The following ARHGAP39 variants were observed in gnomAD, a reference collection of about 807,000 sequenced individuals.
ARHGAP39 encodes Rho GTPase activating protein 39, also known as rho GTPase-activating protein 39.
ARHGAP39 carries 44 observed loss-of-function variants against 106.9 expected under a neutral mutation model. The ratio of observed to expected loss-of-function variants is 0.41; its 90% confidence interval spans 0.32 to 0.53. ARHGAP39 has a LOEUF of 0.53. ARHGAP39 is among the 20% of genes least tolerant of loss of function. ARHGAP39 has a pLI of 0.21. For missense variants in ARHGAP39, 1,496 were observed against 1,577.3 expected, an observed-to-expected ratio of 0.95 and a Z score of 0.87; for synonymous variants, 768 against 693.2, an observed-to-expected ratio of 1.11 and a Z score of -1.69.
At chr8:144,693,942 T>G in the ARHGAP39 span, among the ~76,000 whole-genome samples, 233 of 152,132 alleles carry the variant, frequency 1.5e-3, 1 homozygote, top group African/African-American at 5.5e-3. Context: ...ACGGGGAGGC[T>G]GCAGAGAGGA....
chr8:144,574,703 A>T (rs1330183177), intron 3 of ARHGAP39, among the ~76,000 whole-genome samples: 2 of 152,210 alleles, frequency 1.3e-5, no homozygotes, highest in Non-Finnish European at 2.9e-5. Flanking sequence ...AATAAAAAAT[A>T]AAAAAATTAG....
upstream of ARHGAP39, among the ~76,000 whole-genome samples, chr8:144,687,933 C>CA (rs111592865): frequency 2.1e-5 from 3 of 141,776 alleles, no homozygotes; most frequent in Non-Finnish European, 3.2e-5. Flanking sequence ...GAGCACTTCC[C>CA]ACCCCGTGAC....
Position 144,641,580 on chromosome 8 carries a change from A to C in ARHGAP39, c.-81-35885T>G, listed in dbSNP as rs953438642. Among the ~76,000 whole-genome samples the C allele has an allele frequency of 6.6e-6, 1 of 151,960 alleles. No individual in the cohort carries two copies. Among genetic ancestry groups the C allele is most frequent in the Non-Finnish European group, 1.5e-5 (1 of 67,988 alleles). ...CGTTCTGCCCATCACTCACCCCAGG[A>C]CTCCATCCTCCCACACCCCTCAACT... is the stretch of plus-strand genomic sequence containing the variant. On this transcript the variant is annotated intron_variant, in intron 1 of 11. Transcript: ENST00000377307. This position sits in a 1 kb window ranked among gnomAD's most constrained non-coding sequence, Gnocchi z 5.2.
chr8:144,633,457 C>CA (rs951930951), intron 1 of ARHGAP39, among the ~76,000 whole-genome samples: 10 of 150,208 alleles, frequency 6.7e-5, no homozygotes, highest in African/African-American at 1.2e-4. Context: ...GACTCCGTCT[C>CA]AAAAAAAAGA....
At chr8:144,595,050 C>G (rs1468143369) in intron 2 of ARHGAP39, among the ~76,000 whole-genome samples, 2 of 152,162 alleles carry the variant, frequency 1.3e-5, no homozygotes, top group African/African-American at 2.4e-5. Context: ...AATAATAAAA[C>G]CCCACAGAGT....
At chr8:144,689,256 T>C (rs1459822792), upstream of ARHGAP39, among the ~76,000 whole-genome samples, 2 of 152,006 alleles carry the variant, frequency 1.3e-5, no homozygotes, top group African/African-American at 4.8e-5. Context: ...AATATTTAAC[T>C]AGAAGTAAGT....
intron 4 of ARHGAP39, among the ~76,000 whole-genome samples, chr8:144,554,983 G>C (rs891133991): frequency 2.0e-5 from 3 of 152,206 alleles, no homozygotes; most frequent in Non-Finnish European, 2.9e-5. Context: ...CCCTGGCCCT[G>C]CATCTCCCAC....
intron 2 of ARHGAP39, among the ~76,000 whole-genome samples, chr8:144,588,122 T>C (rs1333812882): frequency 1.2e-4 from 19 of 152,134 alleles, no homozygotes; most frequent in Admixed American, 1.2e-3. Context: ...GGGACACGGG[T>C]TGGCCATGTG....
chr8:144,638,078 ACT>A (rs753325913), intron 1 of ARHGAP39, among the ~76,000 whole-genome samples: 4 of 151,872 alleles, frequency 2.6e-5, no homozygotes, highest in Non-Finnish European at 4.4e-5. Context: ...TTGGTAGTAA[ACT>A]CTGTTTTATC....
In ARHGAP39 at chr8:144,532,076, G is replaced by C. The variant is rs113710289; in HGVS notation, c.2980+229C>G. On this transcript the variant is annotated intron_variant, in intron 10 of 11. Transcript: ENST00000377307. The stretch of plus-strand genomic sequence containing the variant: ...GGCACGGCAGAAGGGCACAGGGCAG[G>C]GAGCAGCAGGTGGGGAGTGGGCTGC... Among the ~76,000 whole-genome samples, 490 of 137,502 alleles carry C rather than the reference G, an allele frequency of 3.6e-3. 40 individuals carry two copies. The highest frequency in any genetic ancestry group is 0.016 in the African/African-American group (459 of 29,048). 90.2% of individuals were successfully genotyped at this position (137,502 alleles called of 152,430 possible). A position where few individuals can be genotyped will look rare whatever the true frequency, so the allele number is the denominator to read the frequency against.
Position 144,602,562 on chromosome 8 carries a change from G to A in ARHGAP39, c.80+2973C>T, listed in dbSNP as rs563633058. ...TGTGTGTGCATGGAGGCGTGCGTGC[G>A]AGCTCGTGTACCTGTGTGCATGTGT... On this transcript the variant is annotated intron_variant, in intron 2 of 11. Transcript: ENST00000377307. Among the ~76,000 whole-genome samples the A allele has an allele frequency of 1.5e-4, 22 of 143,628 alleles. No homozygotes were observed. In the South Asian group the frequency reaches 4.1e-3, roughly 27 times the overall value. The allele number at this position is 143,628 out of a possible 152,430, so 94.2% of individuals were successfully genotyped here. A position where few individuals can be genotyped will look rare whatever the true frequency, so the allele number is the denominator to read the frequency against.
chr8:144,596,158 G>A (rs1819613553), intron 2 of ARHGAP39, among the ~76,000 whole-genome samples: 1 of 152,158 alleles, frequency 6.6e-6, no homozygotes, highest in African/African-American at 2.4e-5. Context: ...GGGGACGGCT[G>A]AGGCCTGGCC....
At chr8:144,597,949 AG>A (rs1244165141) in intron 2 of ARHGAP39, among the ~76,000 whole-genome samples, 1 of 152,214 alleles carries the variant, frequency 6.6e-6, no homozygotes, top group African/African-American at 2.4e-5. Flanking sequence ...ATTAAATGGA[AG>A]AAAAGGCCGG....
Position 144,684,941 on chromosome 8 carries a change from G to C in ARHGAP39, c.-82+745C>G, listed in dbSNP as rs1170436639. On this transcript the variant is annotated intron_variant, in intron 1 of 11. Transcript: ENST00000377307. This position sits in a 1 kb window ranked among gnomAD's most constrained non-coding sequence, Gnocchi z 4.4. Reference sequence around the variant, plus strand: ...CGAGGCTGCACCGCAGCGCACCGCAGCCCTGCACCCGGGCCGCCCTTCAGG... The same window carrying C: ...CGAGGCTGCACCGCAGCGCACCGCACCCCTGCACCCGGGCCGCCCTTCAGG... 6.6e-6 allele frequency among the ~76,000 whole-genome samples: 1 copy of C among 152,204 alleles called. No individual in the cohort carries two copies. Among genetic ancestry groups the C allele is most frequent in the Non-Finnish European group, 1.5e-5 (1 of 68,022 alleles).
intron 1 of ARHGAP39, among the ~76,000 whole-genome samples, chr8:144,658,276 A>AT (rs748953919): frequency 0.029 from 4,029 of 139,720 alleles, 228 homozygotes; most frequent in East Asian, 0.25. Context: ...CACCCGGCTA[A>AT]TTTTTTTTTT....
intron 9 of ARHGAP39, 38 bp from the exon 10 acceptor site, chr8:144,532,434 T>C (rs1316523181): frequency 6.4e-7 from 1 of 1,573,400 alleles, no homozygotes; most frequent in Non-Finnish European, 8.7e-7. Flanking sequence ...AACAGGAGCC[T>C]GTGCTGCGGC....
intron 1 of ARHGAP39, among the ~76,000 whole-genome samples, chr8:144,681,817 G>T (rs1363907128): frequency 6.6e-6 from 1 of 152,136 alleles, no homozygotes; most frequent in Non-Finnish European, 1.5e-5. Flanking sequence ...AAGGTGGAAG[G>T]GTTTTCCCTA....
intron 1 of ARHGAP39, among the ~76,000 whole-genome samples, chr8:144,640,761 G>A (rs940433506): frequency 5.9e-5 from 9 of 152,126 alleles, no homozygotes; most frequent in African/African-American, 1.9e-4. Context: ...TGTTGAAAAC[G>A]AAGCCGAGTT....
At chr8:144,665,843 G>A (rs1821949305) in intron 1 of ARHGAP39, among the ~76,000 whole-genome samples, 1 of 152,232 alleles carries the variant, frequency 6.6e-6, no homozygotes, top group South Asian at 2.1e-4. Context: ...GAAATGTGGG[G>A]TTGGAGTCCC....
Sources: allele counts gnomAD v4.1 joint callset (sites outside exome capture counted in the v4.1 genomes callset), GRCh38; gene constraint gnomAD v4.1.1; non-coding constraint Gnocchi (gnomAD v3.1); transcripts MANE v1.5; gene names NCBI Gene and HGNC (gene_info 2026-07-23, HGNC 2026-07-21).